Variants in SKP2 observed in about 807,000 individuals in gnomAD.
SKP2 encodes the protein S-phase kinase-associated protein 2.
SKP2 carries 16 observed loss-of-function variants against 51.8 expected under a neutral mutation model. The observed-to-expected ratio is 0.31, with a 90% confidence interval of 0.21 to 0.47. SKP2 has a LOEUF of 0.47. SKP2 is among the 20% of genes least tolerant of loss of function. The probability of loss-of-function intolerance (pLI) is 1.00; values close to 1 mark genes in which losing one functional copy is unlikely to be tolerated. For synonymous variants in SKP2, 176 were observed against 198.6 expected (o/e 0.89, Z 0.96); for missense variants, 377 against 505.3 (o/e 0.75, Z 2.43).
chr5:36,161,292 TA>T (rs5867306), intron 2 of SKP2, among the ~76,000 whole-genome samples: 7,870 of 140,832 alleles, frequency 0.056, 304 homozygotes, highest in East Asian at 0.19. Flanking sequence ...CAAAAATTGT[TA>T]AAAAAAAAAA....
Position 36,155,621 on chromosome 5 carries a change from T to C in SKP2, c.280+2579T>C, listed in dbSNP as rs368635413. 7.9e-5 allele frequency among the ~76,000 whole-genome samples: 12 copies of C among 152,336 alleles called. No individual in the cohort carries two copies. In the East Asian group the frequency reaches 1.2e-3, roughly 15 times the overall value. ...AATATTGTTACTCTGACCCTGTTAG[T>C]ATAAAATTTTTTTTCTTCAAAATTT... On this transcript the variant is annotated intron_variant, in intron 2 of 9. Transcript: ENST00000274255.
chr5:36,153,877 G>A (rs149749222), intron 2 of SKP2, among the ~76,000 whole-genome samples: 134 of 152,220 alleles, frequency 8.8e-4, no homozygotes, highest in African/African-American at 3.1e-3. Context: ...GTATGCAAAA[G>A]CCATAGGATA....
intron 2 of SKP2, among the ~76,000 whole-genome samples, chr5:36,161,238 G>T (rs1745111097): frequency 6.6e-6 from 1 of 151,396 alleles, no homozygotes. Flanking sequence ...TTATAAATAT[G>T]GGAGTGGATG....
chr5:36,152,200 T>C lies in SKP2; in HGVS notation c.-63T>C. 1 of 1,594,238 alleles carries C rather than the reference T, an allele frequency of 6.3e-7. No individual in the cohort carries two copies. The highest frequency in any genetic ancestry group is 1.7e-5 in the Admixed American group (1 of 59,962). ...GAGCCGCCGCGCGCCAAAGCGGGAA[T>C]CTGGGAGGCGAGCAGCTCTGCAGTT... On this transcript the variant is annotated 5_prime_UTR_variant, in exon 1 of 10. Transcript: ENST00000274255.
chr5:36,152,639 C>T, intron 1 of SKP2, 132 bp from the exon 2 acceptor site: 1 of 903,436 alleles, frequency 1.1e-6, no homozygotes, highest in Non-Finnish European at 1.7e-6. Flanking sequence ...GCCGCAGGCA[C>T]ATAAAAAATG....
intron 3 of SKP2, among the ~76,000 whole-genome samples, chr5:36,164,585 T>C (rs1024985703): frequency 6.6e-6 from 1 of 152,226 alleles, no homozygotes; most frequent in East Asian, 1.9e-4. Flanking sequence ...CTGTGTGAGA[T>C]AGCAGGAGCC....
rs201458229 is a variant in SKP2, at chr5:36,152,825, G to A, written c.63G>A (p.Thr21=). ...DLSSNVATSF[T]WGWDSSKTSE... is the part of the protein sequence containing the mutation. ...GTAGCAACGTTGCCACCAGCTTCAC[G>A]TGGGGATGGGATTCCAGCAAGACTT... The change falls in exon 2 of 10, where the codon ACG becomes ACA. Residue 21 remains threonine, a synonymous_variant. Transcript: ENST00000274255. 14 of 1,614,122 alleles carry A rather than the reference G, an allele frequency of 8.7e-6. No individual in the cohort carries two copies. In the Admixed American group the frequency reaches 1.0e-4, roughly 12 times the overall value.
intron 2 of SKP2, among the ~76,000 whole-genome samples, chr5:36,160,344 G>A (rs1003597785): frequency 3.3e-5 from 5 of 152,228 alleles, no homozygotes; most frequent in African/African-American, 9.6e-5. Context: ...CTCTTCCATA[G>A]AGGCCACTTC....
chr5:36,158,532 C>T (rs34709755), intron 2 of SKP2, among the ~76,000 whole-genome samples: 4,118 of 152,276 alleles, frequency 0.027, 131 homozygotes, highest in Non-Finnish European at 0.036. Flanking sequence ...TGTGTGTTTT[C>T]TAGGACCTTG....
intron 6 of SKP2, among the ~76,000 whole-genome samples, chr5:36,190,777 C>G (rs2112027763): frequency 6.7e-6 from 1 of 150,212 alleles, no homozygotes; most frequent in African/African-American, 2.4e-5. Context: ...AATCCATGAT[C>G]TCAACCATTC....
rs142952828 is a variant in SKP2 at position 36,190,118 on chromosome 5, C to T, written c.633-2503C>T. 1.5e-3 allele frequency among the ~76,000 whole-genome samples: 224 copies of T among 152,284 alleles called. 5 individuals are homozygous for T. The East Asian group carries it at 0.036, about 24-fold the overall frequency. On this transcript the variant is annotated intron_variant, in intron 6 of 7. Transcript: ENST00000677886. ...ACCCGATTTTCCAGGTGCCATCTCT[C>T]ACAGCTTCCCTTGGCTAGGAAAGGG...
At chr5:36,189,818 G>A (rs1269713640) in intron 6 of SKP2, among the ~76,000 whole-genome samples, 1 of 152,180 alleles carries the variant, frequency 6.6e-6, no homozygotes, top group African/African-American at 2.4e-5. Context: ...GCCCCCAGAG[G>A]TGGAGTCTAC....
At chr5:36,185,685 A>G (rs1745946883), downstream of SKP2, among the ~76,000 whole-genome samples, 1 of 152,268 alleles carries the variant, frequency 6.6e-6, no homozygotes, top group Non-Finnish European at 1.5e-5. Flanking sequence ...GTCAGGTAGC[A>G]TGATGCCTCC....
Position 36,183,394 on chromosome 5 carries a change from CT to C in SKP2, c.*1364del. The stretch of plus-strand genomic sequence containing the variant: ...TCATTCTCCTGCCTCAGCCTCCCGA[CT>C]AGCTGGGACTACAGGCGCCCACCAC... On this transcript the variant is annotated 3_prime_UTR_variant, in exon 10 of 10. Coordinates refer to ENST00000274255, the MANE Select transcript of SKP2 (RefSeq NM_005983.4). 4.2e-6 allele frequency: 1 copy of C among 235,310 alleles called. No individual in the cohort carries two copies. The highest frequency in any genetic ancestry group is 6.9e-6 in the Non-Finnish European group (1 of 144,322). The allele number at this position is 235,310 out of a possible 1,614,324, so 14.6% of individuals were successfully genotyped here.
At chr5:36,168,021 T>G (rs1745345587) in intron 4 of SKP2, among the ~76,000 whole-genome samples, 1 of 152,172 alleles carries the variant, frequency 6.6e-6, no homozygotes, top group Non-Finnish European at 1.5e-5. Flanking sequence ...CTTAATCTCC[T>G]TGTCACCCAC....
At chr5:36,177,161 T>C (rs747353335) in intron 8 of SKP2, 24 bp from the exon 9 acceptor site, 14 of 1,498,712 alleles carry the variant, frequency 9.3e-6, no homozygotes, top group Non-Finnish European at 1.3e-5. Flanking sequence ...ATTTTCAATA[T>C]CTTTTCTTCT....
At position 36,184,194 on chromosome 5, in the gene SKP2, A is replaced by G. The variant is rs181259482; in HGVS notation, c.*2163A>G. ...TGGTCCTTTTTGACCCATCTACTTCATATGCTTGTCACATTAAAAAAAAAA... is the reference window on the plus strand; with the variant it reads ...TGGTCCTTTTTGACCCATCTACTTCGTATGCTTGTCACATTAAAAAAAAAA... On this transcript the variant is annotated 3_prime_UTR_variant, in exon 10 of 10. Transcript: ENST00000274255. The G allele has an allele frequency of 1.3e-4, 54 of 401,744 alleles. 1 individual carries two copies. In the East Asian group the frequency reaches 1.8e-3, roughly 13 times the overall value. 24.9% of individuals were successfully genotyped at this position (401,744 alleles called of 1,614,324 possible).
At chr5:36,158,295 C>G (rs1745015193) in intron 2 of SKP2, among the ~76,000 whole-genome samples, 1 of 152,202 alleles carries the variant, frequency 6.6e-6, no homozygotes, top group African/African-American at 2.4e-5. Context: ...ATTCAGGAAA[C>G]AGATGGCTAA....
At chr5:36,157,293 TA>T (rs1168726414) in intron 2 of SKP2, among the ~76,000 whole-genome samples, 1 of 152,214 alleles carries the variant, frequency 6.6e-6, no homozygotes, top group Admixed American at 6.5e-5. Flanking sequence ...ATAGTGCTTA[TA>T]CACTGTTCCA....
Sources: gnomAD v4.1 joint callset for allele counts (sites outside exome capture counted in the v4.1 genomes callset) on GRCh38, gnomAD v4.1.1 for gene constraint, MANE v1.5 for transcripts, NCBI Gene and HGNC (gene_info 2026-07-23, HGNC 2026-07-21) for gene names.